The following ATP13A5 variants were observed in gnomAD, a reference collection of about 807,000 sequenced individuals.
ATP13A5 encodes ATPase 13A5.
A neutral mutation model predicts 150.2 loss-of-function variants in ATP13A5; 149 were observed. That is an observed-to-expected ratio of 0.99 (90% CI 0.87 to 1.14). The LOEUF (loss-of-function observed/expected upper bound fraction) is 1.14, where lower values mean the gene tolerates loss of function less well. Ranked by LOEUF, ATP13A5 falls within the 50% of genes most tolerant of loss-of-function variation. The pLI, the probability that ATP13A5 is intolerant of heterozygous loss-of-function variation, is 0.00. For synonymous variants in ATP13A5, 497 were observed against 522.2 expected (o/e 0.95, Z 0.66); for missense variants, 1,383 against 1,449.3 (o/e 0.95, Z 0.74).
intron 23 of ATP13A5, among the ~76,000 whole-genome samples, chr3:193,304,371 G>T (rs1322811874): frequency 1.3e-5 from 2 of 152,168 alleles, no homozygotes; most frequent in Non-Finnish European, 2.9e-5. Flanking sequence ...GTTGTGTAAA[G>T]CTGTCTTGCT....
intron 22 of ATP13A5, 99 bp from the exon 23 acceptor site, chr3:193,305,767 C>T (rs1718589227): frequency 2.0e-6 from 2 of 1,003,234 alleles, no homozygotes; most frequent in Non-Finnish European, 3.1e-6. Context: ...AGGTATAACA[C>T]TGTACTGTTT....
chr3:193,370,868 A>G lies in ATP13A5; in HGVS notation c.64-6588T>C, dbSNP rs560951822. Among the ~76,000 whole-genome samples, 11 of 152,374 alleles carry G rather than the reference A, an allele frequency of 7.2e-5. 1 individual carries two copies. In the South Asian group the frequency reaches 2.3e-3, roughly 32 times the overall value. The stretch of plus-strand genomic sequence containing the variant: ...GAAATGTATGTTCAAAATAAATACT[A>G]AATCATTCAGTCTGGAGTAAGAAAA... On this transcript the variant is annotated intron_variant, in intron 1 of 29. Transcript: ENST00000342358.
chr3:193,282,381 C>CT (rs200418162), intron 27 of ATP13A5, among the ~76,000 whole-genome samples: 4,029 of 146,876 alleles, frequency 0.027, 135 homozygotes, highest in Admixed American at 0.1. Context: ...GGATTAGTTT[C>CT]TTTTTTTTTT....
At chr3:193,286,936 A>G (rs1047957114) in intron 26 of ATP13A5, among the ~76,000 whole-genome samples, 1 of 152,206 alleles carries the variant, frequency 6.6e-6, no homozygotes, top group African/African-American at 2.4e-5. Context: ...CAGTGAACAC[A>G]TGAACAATAA....
chr3:193,341,370 T>C (rs1712121850), intron 9 of ATP13A5, among the ~76,000 whole-genome samples: 1 of 152,178 alleles, frequency 6.6e-6, no homozygotes, highest in African/African-American at 2.4e-5. Context: ...AAAGTTTTTC[T>C]GCTCACCATG....
chr3:193,347,665 G>A (rs1389612171), intron 7 of ATP13A5, among the ~76,000 whole-genome samples: 1 of 152,092 alleles, frequency 6.6e-6, no homozygotes, highest in African/African-American at 2.4e-5. Flanking sequence ...ATGCTGTAGA[G>A]CTGGATTGGT....
At chr3:193,281,164 G>A in intron 27 of ATP13A5, 1 of 985,170 alleles carries the variant, frequency 1.0e-6, no homozygotes, top group Non-Finnish European at 1.2e-6. Context: ...TCAGGAAATA[G>A]CTGTGTGGAT....
At chr3:193,332,724 C>A (rs2108873703) in intron 11 of ATP13A5, among the ~76,000 whole-genome samples, 1 of 152,268 alleles carries the variant, frequency 6.6e-6, no homozygotes, top group Middle Eastern at 3.4e-3. Flanking sequence ...AGCGCTGAAC[C>A]AGTGCAGATA....
intron 9 of ATP13A5, 140 bp from the exon 10 acceptor site, chr3:193,335,239 A>G: frequency 1.4e-6 from 1 of 705,454 alleles, no homozygotes; most frequent in Non-Finnish European, 2.4e-6. Context: ...GACTGTTCAT[A>G]GAGATGCTGG....
Position 193,375,974 on chromosome 3 carries a change from T to C in ATP13A5, c.63+2689A>G, listed in dbSNP as rs76994497. On this transcript the variant is annotated intron_variant, in intron 1 of 29. Coordinates refer to ENST00000342358, the MANE Select transcript of ATP13A5 (RefSeq NM_198505.4). ...ATCACAACGGATTGTTCACTTGAAA[T>C]AATGAATGCGAGTAGAAGTTAGACC... is the stretch of plus-strand genomic sequence containing the variant. Among the ~76,000 whole-genome samples, 16 of 152,250 alleles carry C rather than the reference T, an allele frequency of 1.1e-4. No homozygotes were observed. In the East Asian group the frequency reaches 3.1e-3, roughly 29 times the overall value.
At chr3:193,279,588 G>A in intron 27 of ATP13A5, 134 bp from the exon 28 acceptor site, 1 of 658,862 alleles carries the variant, frequency 1.5e-6, no homozygotes, top group Non-Finnish European at 2.7e-6. Flanking sequence ...ATCCTCATAT[G>A]TTTTGAAATA....
Position 193,314,998 on chromosome 3 carries a change from G to T in ATP13A5, c.2132C>A (p.Ala711Asp). The part of the protein sequence containing the change: ...TKLVLKELSE[A>D]RIRTVMITGD... ...TGTAATCATCACAGTCCTGATACGG[G>T]CCTCACTCAGTTCCTTCAAGACCAG... The change falls in exon 18 of 30, where the codon GCC becomes GAC. Residue 711 changes from alanine (A) to aspartate (D), a missense_variant. Around this residue, in one of 3 missense-constraint regions of ATP13A5, gnomAD observed 568 missense variants for 621.5 expected, o/e 0.91. Transcript: ENST00000342358. The T allele has an allele frequency of 6.2e-7, 1 of 1,612,728 alleles. No individual in the cohort carries two copies. The highest frequency in any genetic ancestry group is 8.5e-7 in the Non-Finnish European group (1 of 1,179,150).
chr3:193,324,111 C>T (rs1033186065), intron 14 of ATP13A5: 6 of 152,186 alleles, frequency 3.9e-5, no homozygotes, highest in African/African-American at 1.4e-4. Context: ...GTCACAGACT[C>T]AGTCCTGGCT....
intron 25 of ATP13A5, among the ~76,000 whole-genome samples, chr3:193,293,558 C>G (rs1718050013): frequency 6.6e-6 from 1 of 152,038 alleles, no homozygotes. Flanking sequence ...GGATCTATTG[C>G]ATGGGAAGAC....
At position 193,290,128 on chromosome 3, in the gene ATP13A5, G is replaced by A. The variant is rs1232561977; in HGVS notation, c.2849-69C>T. The A allele has an allele frequency of 2.1e-6, 3 of 1,444,012 alleles. No individual in the cohort carries two copies. In the African/African-American group the frequency reaches 4.3e-5, roughly 21 times the overall value. The allele number at this position is 1,444,012 out of a possible 1,614,324, so 89.4% of individuals were successfully genotyped here. ...GAGAATAAAAGGTTGAGATTGAGAT[G>A]CATATTATCTTGAGTCTGGCATTGG... On this transcript the variant is annotated intron_variant, in intron 25 of 29. Transcript: ENST00000342358.
In ATP13A5 at chr3:193,275,003, A is replaced by G. The variant is rs1478065413; in HGVS notation, c.*39T>C. On this transcript the variant is annotated 3_prime_UTR_variant, in exon 30 of 30. Transcript: ENST00000342358. ...TCCACAATGTGTTAATTTTGGGGAA[A>G]AAAGCAATGCTGTTGAGCATGTACG... 2.5e-6 allele frequency: 4 copies of G among 1,606,028 alleles called. No homozygotes were observed. Among genetic ancestry groups the G allele is most frequent in the Non-Finnish European group, 3.4e-6 (4 of 1,175,634 alleles).
Position 193,324,875 on chromosome 3 carries a change from C to T in ATP13A5, c.1663G>A (p.Gly555Ser), listed in dbSNP as rs2108866320. The T allele has an allele frequency of 1.2e-6, 2 of 1,613,886 alleles. No individual in the cohort carries two copies. Among genetic ancestry groups the T allele is most frequent in the South Asian group, 2.2e-5 (2 of 91,020 alleles). ...GDPLDLKMFE[G>S]TAWKMEDCIV... Reference sequence around the variant, plus strand: ...AACTATCACCTTACCCAGGCAGTGCCCTCAAACATTTTGAGGTCCAGAGGG... The same window carrying T: ...AACTATCACCTTACCCAGGCAGTGCTCTCAAACATTTTGAGGTCCAGAGGG... The change falls in exon 14 of 30, where the codon GGC becomes AGC. Residue 555 changes from glycine (G) to serine (S), a missense_variant. Physicochemically the swap from Gly to Ser is moderately conservative, Grantham distance 56. Transcript: ENST00000342358.
At chr3:193,376,622 A>T (rs4686634) in intron 1 of ATP13A5, among the ~76,000 whole-genome samples, 1 of 152,190 alleles carries the variant, frequency 6.6e-6, no homozygotes, top group Non-Finnish European at 1.5e-5. Context: ...GTGGTTTGCC[A>T]CACAGATTGA....
At chr3:193,353,249 A>G (rs1560146856) in intron 6 of ATP13A5, among the ~76,000 whole-genome samples, 4 of 148,792 alleles carry the variant, frequency 2.7e-5, no homozygotes, top group Non-Finnish European at 4.5e-5. Context: ...AAAGCCATCA[A>G]AGAAGCACAG....
Sources: allele counts gnomAD v4.1 joint callset (sites outside exome capture counted in the v4.1 genomes callset), GRCh38; gene constraint gnomAD v4.1.1; regional missense constraint gnomAD v4.1.1; transcripts MANE v1.5; gene names NCBI Gene and HGNC (gene_info 2026-07-23, HGNC 2026-07-21).